The following MORC2 variants were observed in gnomAD, a reference collection of about 807,000 sequenced individuals.
MORC2 encodes the protein MORC family CW-type zinc finger 2, also known as ATPase MORC2.
Under a neutral mutation model 136.0 loss-of-function variants are expected in MORC2, and 30 were observed. The observed-to-expected ratio is 0.22, with a 90% CI of 0.17 to 0.30. The LOEUF (loss-of-function observed/expected upper bound fraction) is 0.30. Among genes scored for constraint, MORC2 ranks in the 10% least tolerant of loss-of-function variants. MORC2 has a pLI of 1.00. For synonymous variants in MORC2, 439 were observed against 487.0 expected (o/e 0.90, Z 1.30); for missense variants, 922 against 1,333.1 (o/e 0.69, Z 4.80).
chr22:30,962,897 A>G (rs1170207701), intron 1 of MORC2, among the ~76,000 whole-genome samples: 1 of 152,206 alleles, frequency 6.6e-6, no homozygotes, highest in African/African-American at 2.4e-5. Context: ...CAACTGCACA[A>G]ATTCTTTTTT....
chr22:30,967,215 C>T (rs574238977), intron 1 of MORC2: 31 of 985,728 alleles, frequency 3.1e-5, no homozygotes, highest in East Asian at 1.1e-4. Context: ...AACTCAAGAA[C>T]CATGAACACT....
chr22:30,939,608 G>T lies in MORC2; in HGVS notation c.1073+13C>A, dbSNP rs1324713588. ...GTCAGTTTAAAAGATCCAAGGACAG[G>T]CCTGGCACTCACCGCTGCTTGGCCT... On this transcript the variant is annotated intron_variant, in intron 12 of 25. Coordinates refer to ENST00000397641, the MANE Select transcript of MORC2 (RefSeq NM_001303256.3). 3 of 1,613,434 alleles carry T rather than the reference G, an allele frequency of 1.9e-6. No homozygotes were observed. The highest frequency in any genetic ancestry group is 2.7e-5 in the African/African-American group (2 of 74,888).
At position 30,968,045 on chromosome 22, in the gene MORC2, G is replaced by T; in HGVS notation, c.-156C>A. The T allele has an allele frequency of 1.7e-6, 1 of 589,244 alleles. No homozygotes were observed. The allele number at this position is 589,244 out of a possible 1,614,324, so 36.5% of individuals were successfully genotyped here. ...CTAGTAGCTATCCAAAATATATGCA[G>T]AGATGTTTAAAACTACAATTTCTTC... On this transcript the variant is annotated 5_prime_UTR_variant, in exon 1 of 26. The change creates a new upstream start codon in the 5' untranslated region. Coordinates refer to ENST00000397641, the MANE Select transcript of MORC2 (RefSeq NM_001303256.3).
intron 3 of MORC2, among the ~76,000 whole-genome samples, chr22:30,952,192 T>C (rs964911929): frequency 1.3e-5 from 2 of 152,124 alleles, no homozygotes; most frequent in African/African-American, 4.8e-5. Flanking sequence ...AAGCCAAGTG[T>C]CATAAGGAGA....
At chr22:30,948,321 CCT>C (rs1169783776) in intron 5 of MORC2, among the ~76,000 whole-genome samples, 3 of 152,170 alleles carry the variant, frequency 2.0e-5, no homozygotes, top group Admixed American at 6.5e-5. Flanking sequence ...CAGGGCTTCC[CCT>C]GATTCTAGGA....
intron 5 of MORC2, 93 bp downstream of exon 5, chr22:30,949,659 G>T: frequency 9.4e-7 from 1 of 1,063,412 alleles, no homozygotes; most frequent in South Asian, 1.4e-5. Flanking sequence ...AGTCAATAGA[G>T]GGACAAGGAG....
intron 25 of MORC2, 89 bp downstream of exon 25, chr22:30,927,930 A>G: frequency 6.8e-7 from 1 of 1,478,442 alleles, no homozygotes; most frequent in Non-Finnish European, 9.3e-7. Context: ...GTGAGTGGAT[A>G]GATTCTTGTG....
intron 4 of MORC2, among the ~76,000 whole-genome samples, 199 bp from the exon 5 acceptor site, chr22:30,950,041 T>C (rs1341206460): frequency 1.3e-5 from 2 of 152,226 alleles, no homozygotes; most frequent in Non-Finnish European, 2.9e-5. Context: ...CTGTGACCTA[T>C]GTTCTATTCC....
chr22:30,960,757 C>T (rs1424739366), intron 1 of MORC2, among the ~76,000 whole-genome samples: 1 of 144,582 alleles, frequency 6.9e-6, no homozygotes, highest in Non-Finnish European at 1.5e-5. Context: ...TCCCAAAGTG[C>T]TGGGATTACA....
intron 24 of MORC2, among the ~76,000 whole-genome samples, chr22:30,928,773 G>C (rs2040529562): frequency 6.6e-6 from 1 of 152,224 alleles, no homozygotes; most frequent in South Asian, 2.1e-4. Flanking sequence ...AGTTTTTCTA[G>C]TGGCTTTTCA....
chr22:30,954,038 C>T (rs1217034950), intron 3 of MORC2, among the ~76,000 whole-genome samples: 3 of 152,142 alleles, frequency 2.0e-5, no homozygotes, highest in African/African-American at 4.8e-5. Flanking sequence ...AGCGCATCGG[C>T]TCAGCCTGTA....
In MORC2 at chr22:30,926,717, C is replaced by A; in HGVS notation, c.*86G>T. On this transcript the variant is annotated 3_prime_UTR_variant, in exon 26 of 26. Transcript: ENST00000397641. ...CCGTGTAAGTCAAACCAAGGTGCGA[C>A]CACCAACCCATGAATGAAGTCCCCT... The A allele has an allele frequency of 9.0e-7, 1 of 1,113,906 alleles. No homozygotes were observed. Among genetic ancestry groups the A allele is most frequent in the Non-Finnish European group, 1.3e-6 (1 of 757,852 alleles). The allele number at this position is 1,113,906 out of a possible 1,614,324, so 69.0% of individuals were successfully genotyped here.
intron 13 of MORC2, 39 bp from the exon 14 acceptor site, chr22:30,938,008 G>C (rs1404724578): frequency 1.2e-6 from 2 of 1,613,788 alleles, no homozygotes; most frequent in Non-Finnish European, 1.7e-6. Flanking sequence ...CACCCCACTG[G>C]CAACGCCCTC....
At chr22:30,950,638 T>C (rs1417268232) in intron 3 of MORC2, among the ~76,000 whole-genome samples, 193 bp from the exon 4 acceptor site, 1 of 152,208 alleles carries the variant, frequency 6.6e-6, no homozygotes, top group African/African-American at 2.4e-5. Context: ...TCCAATGTTT[T>C]CTAGATCATG....
At chr22:30,946,548 GA>G in intron 5 of MORC2, 99 bp from the exon 6 acceptor site, 1 of 1,081,770 alleles carries the variant, frequency 9.2e-7, no homozygotes, top group East Asian at 2.5e-5. Flanking sequence ...AGTGCCACTG[GA>G]GGGCTCTCCT....
At chr22:30,958,569 A>G (rs1179277171) in intron 2 of MORC2, 72 bp downstream of exon 2, 2 of 1,261,980 alleles carry the variant, frequency 1.6e-6, no homozygotes, top group South Asian at 1.4e-5. Flanking sequence ...TCAAGTCTTC[A>G]GAGAGCAAAG....
Position 30,954,952 on chromosome 22 carries a change from A to ATTT in MORC2, c.157+1808_157+1810dup, listed in dbSNP as rs34059352. ...AAAGGCACCTCCATCTGGCCTGAGC[A>ATTT]TTTTTTTTTTTTTTTTTTTTTTTGA... On this transcript the variant is annotated intron_variant, in intron 3 of 25. Transcript: ENST00000397641. 5.7e-3 allele frequency among the ~76,000 whole-genome samples: 598 copies of ATTT among 105,204 alleles called. 1 individual carries two copies. The highest frequency in any genetic ancestry group is 7.0e-3 in the East Asian group (24 of 3,434). The allele number at this position is 105,204 out of a possible 152,430, so 69.0% of individuals were successfully genotyped here.
At chr22:30,963,463 G>A (rs576120169) in intron 1 of MORC2, 13 of 237,128 alleles carry the variant, frequency 5.5e-5, no homozygotes, top group South Asian at 3.1e-4. Context: ...TCAACTCATC[G>A]CAACCTCTGC....
Position 30,932,311 on chromosome 22 carries a change from G to A in MORC2, c.2841+48C>T. 7.0e-7 allele frequency: 1 copy of A among 1,438,434 alleles called. No individual in the cohort carries two copies. Among genetic ancestry groups the A allele is most frequent in the Non-Finnish European group, 9.7e-7 (1 of 1,031,588 alleles). The allele number at this position is 1,438,434 out of a possible 1,614,324, so 89.1% of individuals were successfully genotyped here. ...AACAGTTACAACAAATGCAGGGGCAGGGGTGGGGGAATGAAGAGTGTGGAA... is the reference window on the plus strand; with the variant it reads ...AACAGTTACAACAAATGCAGGGGCAAGGGTGGGGGAATGAAGAGTGTGGAA... On this transcript the variant is annotated intron_variant, in intron 24 of 25. Coordinates refer to ENST00000397641, the MANE Select transcript of MORC2 (RefSeq NM_001303256.3). This position sits in a 1 kb window ranked among gnomAD's most constrained non-coding sequence, Gnocchi z 4.4.
Sources: allele counts gnomAD v4.1 joint callset (sites outside exome capture counted in the v4.1 genomes callset), GRCh38; gene constraint gnomAD v4.1.1; non-coding constraint Gnocchi (gnomAD v3.1); transcripts MANE v1.5; gene names NCBI Gene and HGNC (gene_info 2026-07-23, HGNC 2026-07-21).